The following CTNNAL1 variants were observed in gnomAD, a reference collection of about 807,000 sequenced individuals.
CTNNAL1 encodes the protein catenin alpha like 1, also known as alpha-catulin.
Under a neutral mutation model 93.6 loss-of-function variants are expected in CTNNAL1, and 69 were observed. The observed-to-expected ratio is 0.74, with a 90% confidence interval of 0.61 to 0.90. The LOEUF is 0.90. CTNNAL1 is among the 40% of genes least tolerant of loss of function. The probability of loss-of-function intolerance (pLI) is 0.00; values close to 1 mark genes in which losing one functional copy is unlikely to be tolerated. For missense variants in CTNNAL1, 836 were observed against 862.0 expected (o/e 0.97, Z 0.38); for synonymous variants, 286 against 305.4 (o/e 0.94, Z 0.66).
At chr9:108,950,697 C>A (rs567400544) in intron 14 of CTNNAL1, 1 of 1,434,678 alleles carries the variant, frequency 7.0e-7, no homozygotes, top group African/African-American at 1.4e-5. Flanking sequence ...CTCATCTTTT[C>A]AGTCTTTCTG....
chr9:108,975,546 G>C (rs764061662), intron 8 of CTNNAL1, among the ~76,000 whole-genome samples: 2 of 152,148 alleles, frequency 1.3e-5, no homozygotes, highest in Non-Finnish European at 2.9e-5. Context: ...GGTGAGGAAA[G>C]TGAAAAAGGG....
rs751884757 is a variant in CTNNAL1 at position 108,942,919 on chromosome 9, C to T, written c.2139+42G>A. The T allele has an allele frequency of 3.1e-6, 5 of 1,607,938 alleles. No individual in the cohort carries two copies. In the African/African-American group the frequency reaches 6.7e-5, roughly 22 times the overall value. On this transcript the variant is annotated intron_variant, in intron 18 of 18. Transcript: ENST00000325551. The stretch of plus-strand genomic sequence containing the variant: ...AAGTAGTAACTATTTTCTTTTAAAC[C>T]ATTTTTTAAAGTATGAGTCTAAAAT...
intron 9 of CTNNAL1, among the ~76,000 whole-genome samples, chr9:108,970,892 C>T (rs573963342): frequency 2.3e-4 from 35 of 152,216 alleles, no homozygotes; most frequent in Non-Finnish European, 4.3e-4. Context: ...AGAGTTACTA[C>T]AAGCTACATG....
intron 1 of CTNNAL1, among the ~76,000 whole-genome samples, chr9:109,005,808 T>A (rs774256105): frequency 3.3e-5 from 5 of 152,210 alleles, no homozygotes; most frequent in Admixed American, 1.3e-4. Context: ...AGCCAAAATA[T>A]GAACTATTGT....
At chr9:108,945,424 G>GT (rs889152184) in intron 15 of CTNNAL1, among the ~76,000 whole-genome samples, 8 of 138,042 alleles carry the variant, frequency 5.8e-5, no homozygotes, top group South Asian at 4.7e-4. Flanking sequence ...AATGTATTTT[G>GT]TTTTTTTTTA....
chr9:108,979,182 A>G, intron 7 of CTNNAL1, 99 bp downstream of exon 7: 1 of 1,454,876 alleles, frequency 6.9e-7, no homozygotes, highest in Non-Finnish European at 9.3e-7. Context: ...TTCTGGAACA[A>G]ATTCATACTC....
At chr9:109,001,698 C>T (rs1051586483) in intron 1 of CTNNAL1, among the ~76,000 whole-genome samples, 2 of 152,198 alleles carry the variant, frequency 1.3e-5, no homozygotes, top group Non-Finnish European at 2.9e-5. Context: ...TTCATGTCAA[C>T]AGCTGAGTGA....
intron 8 of CTNNAL1, among the ~76,000 whole-genome samples, chr9:108,974,725 G>A (rs1831210991): frequency 6.6e-6 from 1 of 152,190 alleles, no homozygotes; most frequent in Non-Finnish European, 1.5e-5. Context: ...TACATGGGAG[G>A]ATGAGGCAGG....
intron 1 of CTNNAL1, among the ~76,000 whole-genome samples, chr9:109,003,245 C>T (rs1368653770): frequency 6.6e-6 from 1 of 152,152 alleles, no homozygotes; most frequent in Non-Finnish European, 1.5e-5. Context: ...TAAAGAAGAG[C>T]ATATATCAAA....
At chr9:108,979,055 A>T (rs1378202050) in intron 7 of CTNNAL1, among the ~76,000 whole-genome samples, 1 of 152,166 alleles carries the variant, frequency 6.6e-6, no homozygotes, top group Non-Finnish European at 1.5e-5. Context: ...TATAATTGAG[A>T]CTGGCTAGAA....
chr9:108,978,606 A>G (rs1483348224), intron 7 of CTNNAL1, among the ~76,000 whole-genome samples: 1 of 152,206 alleles, frequency 6.6e-6, no homozygotes, highest in East Asian at 1.9e-4. Flanking sequence ...ACCTGCTATA[A>G]GAGATTGTGT....
Position 108,979,408 on chromosome 9 carries a change from A to AT in CTNNAL1, c.973dup (p.Ile325AsnfsTer10), listed in dbSNP as rs772051046. ...AGTAAAGTCCTCCATACGCTCCAAG[A>AT]TGACTTCCAATGTCACAGAAAGGTT... On this transcript the variant is annotated frameshift_variant, in exon 7 of 19. Coordinates refer to ENST00000325551, the MANE Select transcript of CTNNAL1 (RefSeq NM_003798.4). LOFTEE classifies it high-confidence loss of function. 1.9e-6 allele frequency: 3 copies of AT among 1,614,054 alleles called. No individual in the cohort carries two copies. In the African/African-American group the frequency reaches 4.0e-5, roughly 22 times the overall value.
chr9:108,972,864 G>GGGGGGGGGCGCCCC, intron 8 of CTNNAL1, 31 bp from the exon 9 acceptor site: 1 of 142,582 alleles, frequency 7.0e-6, no homozygotes. Context: ...GGGGGGGTGG[G>GGGGGGGGGCGCCCC]AGGGTGGAGA....
chr9:109,013,376 C>A lies in CTNNAL1; in HGVS notation c.67G>T (p.Gly23Cys). 1 of 1,513,440 alleles carries A rather than the reference C, an allele frequency of 6.6e-7. No homozygotes were observed. The highest frequency in any genetic ancestry group is 8.8e-7 in the Non-Finnish European group (1 of 1,130,914). 93.8% of individuals were successfully genotyped at this position (1,513,440 alleles called of 1,614,324 possible). The change falls in exon 1 of 19, where the codon GGC becomes TGC. Residue 23 changes from glycine (G) to cysteine (C), a missense_variant. Physicochemically the swap from Gly to Cys is radical, Grantham distance 159. Coordinates refer to ENST00000325551, the MANE Select transcript of CTNNAL1 (RefSeq NM_003798.4). ...AGAVYGSGSS[G>C]FALDSGLEIK... ...TCCAGTCCCGAGTCGAGGGCGAAGC[C>A]CGAAGAGCCGGAGCCGTAGACTGCT... is the stretch of plus-strand genomic sequence containing the variant.
chr9:108,943,902 C>T (rs1412678042), intron 16 of CTNNAL1, 60 bp downstream of exon 16: 1 of 1,595,812 alleles, frequency 6.3e-7, no homozygotes, highest in Non-Finnish European at 8.6e-7. Context: ...TGATATTATA[C>T]CCCCAAAGTA....
At chr9:108,950,762 C>G in intron 14 of CTNNAL1, 5 of 862,854 alleles carry the variant, frequency 5.8e-6, no homozygotes, top group Non-Finnish European at 8.5e-6. Flanking sequence ...TCCTTTTTCT[C>G]TTGGAAGTGA....
At chr9:108,972,863 G>GCCCCCCCCCCCCCC in intron 8 of CTNNAL1, 30 bp from the exon 9 acceptor site, 3 of 231,672 alleles carry the variant, frequency 1.3e-5, no homozygotes, top group Non-Finnish European at 2.1e-5. Context: ...TGGGGGGGTG[G>GCCCCCCCCCCCCCC]GAGGGTGGAG....
intron 3 of CTNNAL1, among the ~76,000 whole-genome samples, chr9:108,991,733 C>G (rs995394655): frequency 7.9e-5 from 12 of 152,178 alleles, no homozygotes; most frequent in Non-Finnish European, 1.8e-4. Context: ...GCTGCCAGAT[C>G]CACCTCTCCA....
chr9:108,955,303 T>G (rs765501612), intron 12 of CTNNAL1, among the ~76,000 whole-genome samples: 6 of 152,158 alleles, frequency 3.9e-5, no homozygotes, highest in Non-Finnish European at 8.8e-5. Context: ...TCCAATATTT[T>G]TGTCCCCCAA....
Sources: gnomAD v4.1 joint callset for allele counts (sites outside exome capture counted in the v4.1 genomes callset) on GRCh38, gnomAD v4.1.1 for gene constraint, MANE v1.5 for transcripts, NCBI Gene and HGNC (gene_info 2026-07-23, HGNC 2026-07-21) for gene names.